Variants in SAP130 observed in about 807,000 individuals in gnomAD.
The protein encoded by SAP130 is Sin3A associated protein 130.
Under a neutral mutation model 103.2 loss-of-function variants are expected in SAP130, and 16 were observed. That is an observed-to-expected ratio of 0.16 (90% CI 0.10 to 0.24). SAP130 has a LOEUF of 0.24. SAP130 is among the 10% of genes least tolerant of loss of function. The probability of loss-of-function intolerance (pLI) is 1.00; values close to 1 mark genes in which losing one functional copy is unlikely to be tolerated. For missense variants in SAP130, 990 were observed against 1,359.7 expected (o/e 0.73, Z 4.28); for synonymous variants, 477 against 497.0 (o/e 0.96, Z 0.53).
chr2:128,002,813 C>A (rs771431211), intron 7 of SAP130, among the ~76,000 whole-genome samples: 1 of 152,070 alleles, frequency 6.6e-6, no homozygotes, highest in Admixed American at 6.6e-5. Context: ...CAAAGGCTAA[C>A]GGGAGTCATC....
chr2:128,023,551 G>A (rs535743074), intron 2 of SAP130, among the ~76,000 whole-genome samples: 3 of 152,198 alleles, frequency 2.0e-5, no homozygotes, highest in Admixed American at 6.5e-5. Flanking sequence ...AGGCTGAGGC[G>A]GGCAGATCAA....
At chr2:127,958,595 CCA>C (rs1223746767) in intron 15 of SAP130, among the ~76,000 whole-genome samples, 6 of 149,578 alleles carry the variant, frequency 4.0e-5, no homozygotes, top group Non-Finnish European at 7.4e-5. Flanking sequence ...TATATGTATG[CCA>C]CACACTCTCT....
At chr2:128,005,703 G>C (rs2105128856) in intron 7 of SAP130, among the ~76,000 whole-genome samples, 1 of 151,216 alleles carries the variant, frequency 6.6e-6, no homozygotes, top group East Asian at 2.0e-4. Context: ...CTGGAGCGCA[G>C]TGGCGCGATC....
At position 127,989,176 on chromosome 2, in the gene SAP130, G is replaced by T. The variant is rs1682607716; in HGVS notation, c.1780+388C>A. Reference sequence around the variant, plus strand: ...TGCAGTGGCGTGATCTCGGCTCACTGCAAGCTCCACATCCCCAGTTCACGC... The same window carrying T: ...TGCAGTGGCGTGATCTCGGCTCACTTCAAGCTCCACATCCCCAGTTCACGC... On this transcript the variant is annotated intron_variant, in intron 13 of 20. Coordinates refer to ENST00000643581, the MANE Select transcript of SAP130 (RefSeq NM_001330301.2). The surrounding 1 kb of genome is among the most constrained non-coding windows in gnomAD (Gnocchi z 4.6). Among the ~76,000 whole-genome samples the T allele has an allele frequency of 6.6e-6, 1 of 151,202 alleles. No individual in the cohort carries two copies. The highest frequency in any genetic ancestry group is 1.5e-5 in the Non-Finnish European group (1 of 67,900).
At chr2:128,002,323 AG>A (rs900565323) in intron 7 of SAP130, among the ~76,000 whole-genome samples, 4 of 152,122 alleles carry the variant, frequency 2.6e-5, no homozygotes, top group Admixed American at 6.6e-5. Flanking sequence ...AAGTGGATCA[AG>A]TTCAAGACCA....
intron 2 of SAP130, among the ~76,000 whole-genome samples, chr2:128,021,224 G>A (rs933211364): frequency 5.9e-5 from 9 of 151,972 alleles, no homozygotes; most frequent in Admixed American, 2.0e-4. Context: ...CAAGGCGGGC[G>A]GATCACAAAG....
In SAP130 at chr2:127,942,208, T is replaced by C. The variant is rs369335777; in HGVS notation, c.3016-44A>G. 1.1e-5 allele frequency: 17 copies of C among 1,532,672 alleles called. No homozygotes were observed. The highest frequency in any genetic ancestry group is 9.7e-5 in the African/African-American group (7 of 71,840). The allele number at this position is 1,532,672 out of a possible 1,614,324, so 94.9% of individuals were successfully genotyped here. On this transcript the variant is annotated intron_variant, in intron 20 of 20. Transcript: ENST00000643581. The surrounding 1 kb of genome is among the most constrained non-coding windows in gnomAD (Gnocchi z 4.8). ...CATCATCAATCAGTGACCATGAGGA[T>C]AGTACAGCTTTTAAAAAACTGCTTG...
intron 7 of SAP130, among the ~76,000 whole-genome samples, chr2:128,008,689 G>GTT (rs140235857): frequency 6.9e-6 from 1 of 144,788 alleles, no homozygotes; most frequent in African/African-American, 2.6e-5. Flanking sequence ...TTTCCTGTTT[G>GTT]TTTTTTTTTT....
rs1682648710 is a variant in SAP130 at position 127,989,669 on chromosome 2, G to T, written c.1675C>A (p.Pro559Thr). The T allele has an allele frequency of 6.2e-7, 1 of 1,614,082 alleles. No homozygotes were observed. The highest frequency in any genetic ancestry group is 1.3e-5 in the African/African-American group (1 of 74,922). ...GAGTGAATTCCCTGTGTGCCAAGTG[G>T]TGCAGGCTGTATCCCTGGGGTCCCA... ...PIGTPGIQPA[P>T]LGTQGIHSAT... is the part of the protein sequence containing the mutation. Residue 559 changes from proline (P) to threonine (T), a missense_variant, in exon 13 of 21, where the codon CCA becomes ACA. Physicochemically the swap from Pro to Thr is conservative, Grantham distance 38. Coordinates refer to ENST00000643581, the MANE Select transcript of SAP130 (RefSeq NM_001330301.2). This position sits in a 1 kb window ranked among gnomAD's most constrained non-coding sequence, Gnocchi z 4.6.
intron 15 of SAP130, among the ~76,000 whole-genome samples, chr2:127,957,541 G>C (rs1679929244): frequency 6.6e-6 from 1 of 152,056 alleles, no homozygotes; most frequent in African/African-American, 2.4e-5. Context: ...GGGCGTGGTG[G>C]TGTATGCCTG....
intron 7 of SAP130, 112 bp downstream of exon 7, chr2:128,010,157 A>AC: frequency 1.6e-5 from 19 of 1,163,828 alleles, no homozygotes; most frequent in Non-Finnish European, 2.0e-5. Flanking sequence ...ATAGCTCATT[A>AC]TAAAAAAAAA....
chr2:127,975,907 C>T (rs549872388), intron 15 of SAP130, among the ~76,000 whole-genome samples: 7 of 152,236 alleles, frequency 4.6e-5, no homozygotes, highest in East Asian at 3.9e-4. Context: ...TGCAGTGGTG[C>T]GATCTTGGCT....
rs561052880 is a variant in SAP130, at chr2:127,986,273, A to G, written c.1958+512T>C. Among the ~76,000 whole-genome samples, 12 of 152,180 alleles carry G rather than the reference A, an allele frequency of 7.9e-5. No homozygotes were observed. The highest frequency in any genetic ancestry group is 1.3e-4 in the Non-Finnish European group (9 of 68,000). Reference sequence around the variant, plus strand: ...CAGCTGTAAACATTCACCTCTAGACACTGCTGTAGGGTTGGAGCGACACAG... The same window carrying G: ...CAGCTGTAAACATTCACCTCTAGACGCTGCTGTAGGGTTGGAGCGACACAG... On this transcript the variant is annotated intron_variant, in intron 14 of 20. Coordinates refer to ENST00000643581, the MANE Select transcript of SAP130 (RefSeq NM_001330301.2). The surrounding 1 kb of genome is among the most constrained non-coding windows in gnomAD (Gnocchi z 4.7).
At chr2:128,026,321 G>A (rs201031303) in intron 1 of SAP130, 23 bp from the exon 2 acceptor site, 264 of 1,476,698 alleles carry the variant, frequency 1.8e-4, no homozygotes, top group Middle Eastern at 3.5e-4. Context: ...CAGTTATATG[G>A]TTATTACTAG....
intron 2 of SAP130, among the ~76,000 whole-genome samples, chr2:128,018,280 C>A (rs1331688445): frequency 1.9e-5 from 2 of 106,914 alleles, no homozygotes; most frequent in African/African-American, 3.7e-5. Context: ...TTATGCTGGC[C>A]AACATGGCAA....
At position 127,996,064 on chromosome 2, in the gene SAP130, G is replaced by A. The variant is rs763432282; in HGVS notation, c.1355+286C>T. 2.6e-5 allele frequency among the ~76,000 whole-genome samples: 4 copies of A among 151,866 alleles called. No homozygotes were observed. Among genetic ancestry groups the A allele is most frequent in the African/African-American group, 9.7e-5 (4 of 41,344 alleles). On this transcript the variant is annotated intron_variant, in intron 11 of 20. Coordinates refer to ENST00000643581, the MANE Select transcript of SAP130 (RefSeq NM_001330301.2). The surrounding 1 kb of genome is among the most constrained non-coding windows in gnomAD (Gnocchi z 4.3). ...CCGTGCTACAAATGGAGGTACTTACGGATAAATGGTCATAATGCTGCAACC... is the reference window on the plus strand; with the variant it reads ...CCGTGCTACAAATGGAGGTACTTACAGATAAATGGTCATAATGCTGCAACC...
chr2:127,973,938 G>C (rs2104894263), intron 15 of SAP130, among the ~76,000 whole-genome samples: 1 of 152,240 alleles, frequency 6.6e-6, no homozygotes, highest in South Asian at 2.1e-4. Flanking sequence ...AGCTGGGTAT[G>C]GTGGCTCTTA....
intron 1 of SAP130, chr2:128,027,385 G>A (rs1317016002): frequency 1.1e-5 from 13 of 1,141,516 alleles, no homozygotes; most frequent in African/African-American, 8.2e-5. Context: ...ACAGCGACCT[G>A]CACGTTCAGA....
Position 127,942,063 on chromosome 2 carries a change from A to G in SAP130, c.3117T>C (p.Leu1039=). The G allele has an allele frequency of 6.2e-7, 1 of 1,610,264 alleles. No individual in the cohort carries two copies. Among genetic ancestry groups the G allele is most frequent in the Non-Finnish European group, 8.5e-7 (1 of 1,179,398 alleles). ...CTTTTTTGACAGTCCCGTTCTTGTT[A>G]AGCAGCTTCAGGACACGGTCTTTAT... is the stretch of plus-strand genomic sequence containing the variant. ...LDHKDRVLKL[L]NKNGTVKKVS... is the part of the protein sequence containing the mutation. The change falls in exon 21 of 21, where the codon CTT becomes CTC. Residue 1039 remains leucine (L), a synonymous_variant. Transcript: ENST00000643581. The surrounding 1 kb of genome is among the most constrained non-coding windows in gnomAD (Gnocchi z 4.8).
Sources: allele counts gnomAD v4.1 joint callset (sites outside exome capture counted in the v4.1 genomes callset), GRCh38; gene constraint gnomAD v4.1.1; non-coding constraint Gnocchi (gnomAD v3.1); transcripts MANE v1.5; gene names NCBI Gene and HGNC (gene_info 2026-07-23, HGNC 2026-07-21).